The following KCNT2 variants were observed in gnomAD, a reference collection of about 807,000 sequenced individuals.
KCNT2 encodes the protein potassium channel subfamily T member 2.
In KCNT2, 67 loss-of-function variants were observed where a neutral mutation model predicts 153.8. The ratio of observed to expected loss-of-function variants is 0.44; its 90% CI spans 0.36 to 0.53. The LOEUF is 0.53. Ranked by LOEUF, KCNT2 falls within the 20% of genes least tolerant of loss-of-function variation. The probability of loss-of-function intolerance (pLI) is 0.00; values close to 1 mark genes in which losing one functional copy is unlikely to be tolerated. For missense variants in KCNT2, 975 were observed against 1,354.8 expected (o/e 0.72, Z 4.40); for synonymous variants, 500 against 458.8 (o/e 1.09, Z -1.15).
chr1:196,487,582 T>A (rs1198668126), intron 3 of KCNT2, among the ~76,000 whole-genome samples: 1 of 151,920 alleles, frequency 6.6e-6, no homozygotes, highest in Admixed American at 6.6e-5. Context: ...GAGAACTTAG[T>A]CCTACTTCAA....
chr1:196,479,577 T>A (rs1242467079), intron 4 of KCNT2, among the ~76,000 whole-genome samples: 1 of 152,192 alleles, frequency 6.6e-6, no homozygotes, highest in Non-Finnish European at 1.5e-5. Context: ...TGTTTCGTTT[T>A]AAAATTTTTT....
chr1:196,380,169 A>G (rs1669355475), intron 13 of KCNT2, among the ~76,000 whole-genome samples: 1 of 152,192 alleles, frequency 6.6e-6, no homozygotes, highest in Admixed American at 6.5e-5. Context: ...GTGTGTAAAG[A>G]TAAGCATCAA....
intron 1 of KCNT2, among the ~76,000 whole-genome samples, chr1:196,591,547 A>G (rs1224144328): frequency 6.6e-6 from 1 of 152,168 alleles, no homozygotes; most frequent in Non-Finnish European, 1.5e-5. Context: ...TCATTAATCA[A>G]CATACTACAG....
At chr1:196,393,944 C>T (rs192283298) in intron 13 of KCNT2, among the ~76,000 whole-genome samples, 105 of 151,588 alleles carry the variant, frequency 6.9e-4, no homozygotes, top group East Asian at 1.2e-3. Context: ...GCCATTGCCT[C>T]TGTCATATGT....
intron 25 of KCNT2, among the ~76,000 whole-genome samples, chr1:196,272,265 C>T (rs1658137342): frequency 6.6e-6 from 1 of 151,730 alleles, no homozygotes; most frequent in South Asian, 2.1e-4. Flanking sequence ...TAGTAGGCAT[C>T]AGATATACAC....
At chr1:196,270,945 A>G (rs961180332) in intron 25 of KCNT2, among the ~76,000 whole-genome samples, 2 of 151,830 alleles carry the variant, frequency 1.3e-5, no homozygotes, top group African/African-American at 4.8e-5. Flanking sequence ...AAAGGACCTA[A>G]CTGTGAAGCT....
chr1:196,430,608 T>G (rs1335118955), intron 8 of KCNT2, among the ~76,000 whole-genome samples: 1 of 152,078 alleles, frequency 6.6e-6, no homozygotes, highest in Non-Finnish European at 1.5e-5. Context: ...AGGTATTATT[T>G]TATGGCAGCA....
intron 1 of KCNT2, among the ~76,000 whole-genome samples, chr1:196,497,653 T>C (rs1316748571): frequency 6.6e-6 from 1 of 152,100 alleles, no homozygotes; most frequent in Non-Finnish European, 1.5e-5. Context: ...ATTTACACTT[T>C]ACTAAAAATT....
intron 11 of KCNT2, 100 bp from the exon 12 acceptor site, chr1:196,423,213 G>A (rs1673360172): frequency 5.9e-6 from 4 of 679,874 alleles, no homozygotes; most frequent in Admixed American, 2.7e-5. Flanking sequence ...TGCACAAAAT[G>A]TACATGTAGA....
chr1:196,553,784 G>T (rs1325428845), intron 1 of KCNT2, among the ~76,000 whole-genome samples: 1 of 150,832 alleles, frequency 6.6e-6, no homozygotes, highest in South Asian at 2.1e-4. Context: ...ATCACTCATT[G>T]AGTCTAACAA....
intron 22 of KCNT2, among the ~76,000 whole-genome samples, chr1:196,292,297 A>C (rs753254078): frequency 1.6e-4 from 25 of 152,210 alleles, no homozygotes; most frequent in Non-Finnish European, 3.2e-4. Flanking sequence ...CTCTCAACAA[A>C]TAAGGCATAG....
chr1:196,574,728 G>A (rs1661154869), intron 1 of KCNT2, among the ~76,000 whole-genome samples: 1 of 151,776 alleles, frequency 6.6e-6, no homozygotes, highest in South Asian at 2.1e-4. Context: ...CTAAAACTTT[G>A]GAGCTATTAT....
chr1:196,257,436 T>C (rs928531580), intron 26 of KCNT2: 1 of 969,270 alleles, frequency 1.0e-6, no homozygotes, highest in Non-Finnish European at 1.2e-6. Flanking sequence ...ATACTAACCC[T>C]ATCTGAGTTC....
At chr1:196,306,806 T>C (rs947730086) in intron 21 of KCNT2, among the ~76,000 whole-genome samples, 1 of 151,932 alleles carries the variant, frequency 6.6e-6, no homozygotes, top group Non-Finnish European at 1.5e-5. Context: ...TGGACTAACA[T>C]TGGGCCTTAC....
intron 14 of KCNT2, among the ~76,000 whole-genome samples, chr1:196,351,410 G>C (rs564225697): frequency 6.6e-6 from 1 of 152,202 alleles, no homozygotes; most frequent in Admixed American, 6.5e-5. Flanking sequence ...TCCTTGAAGA[G>C]GTCCTTCACG....
intron 12 of KCNT2, among the ~76,000 whole-genome samples, chr1:196,412,743 G>T (rs1672444638): frequency 6.6e-6 from 1 of 151,646 alleles, no homozygotes; most frequent in Non-Finnish European, 1.5e-5. Context: ...AAAAGAAAAT[G>T]TAATCAAATT....
chr1:196,559,186 A>G (rs1659067351), intron 1 of KCNT2, among the ~76,000 whole-genome samples: 1 of 151,638 alleles, frequency 6.6e-6, no homozygotes, highest in Non-Finnish European at 1.5e-5. Context: ...ACTTCAATAG[A>G]AGTCACAGTA....
chr1:196,380,894 G>T (rs958497503), intron 13 of KCNT2, among the ~76,000 whole-genome samples: 6 of 152,126 alleles, frequency 3.9e-5, no homozygotes, highest in African/African-American at 1.4e-4. Context: ...AACCACTCGT[G>T]TGTGCATGCG....
intron 12 of KCNT2, among the ~76,000 whole-genome samples, chr1:196,409,975 T>C (rs527695462): frequency 6.6e-6 from 1 of 151,840 alleles, no homozygotes; most frequent in African/African-American, 2.4e-5. Flanking sequence ...TTGATTTTGA[T>C]AATAACAATC....
Sources: gnomAD v4.1 joint callset for allele counts (sites outside exome capture counted in the v4.1 genomes callset) on GRCh38, gnomAD v4.1.1 for gene constraint, MANE v1.5 for transcripts, NCBI Gene and HGNC (gene_info 2026-07-23, HGNC 2026-07-21) for gene names.